The following SMAD2 variants were observed in gnomAD, a reference collection of about 807,000 sequenced individuals.
The protein encoded by SMAD2 is MAD homolog 2.
Under a neutral mutation model 64.4 loss-of-function variants are expected in SMAD2, and 8 were observed. That is an observed-to-expected ratio of 0.12 (90% CI 0.07 to 0.22). SMAD2 has a LOEUF of 0.22. Among genes scored for constraint, SMAD2 ranks in the 10% least tolerant of loss-of-function variants. The pLI, the probability that SMAD2 is intolerant of heterozygous loss-of-function variation, is 1.00. For missense variants in SMAD2, 289 were observed against 561.2 expected, an observed-to-expected ratio of 0.51 and a Z score of 4.90; for synonymous variants, 203 against 195.8, an observed-to-expected ratio of 1.04 and a Z score of -0.31.
intron 2 of SMAD2, among the ~76,000 whole-genome samples, chr18:47,888,534 G>A (rs1013283932): frequency 1.2e-4 from 18 of 152,156 alleles, no homozygotes; most frequent in African/African-American, 4.3e-4. Context: ...TCAGGGGTTA[G>A]GTGACAGTCT....
At chr18:47,884,053 A>G (rs1469334822) in intron 2 of SMAD2, among the ~76,000 whole-genome samples, 1 of 152,118 alleles carries the variant, frequency 6.6e-6, no homozygotes, top group Non-Finnish European at 1.5e-5. Flanking sequence ...CCTAATCACC[A>G]TAAAACCCCA....
intron 2 of SMAD2, among the ~76,000 whole-genome samples, chr18:47,877,006 G>A (rs1205071099): frequency 2.6e-5 from 4 of 152,000 alleles, no homozygotes; most frequent in South Asian, 4.1e-4. Context: ...AAGGTGGCTC[G>A]CATCACAGAA....
chr18:47,917,562 G>A (rs2034385886), intron 1 of SMAD2, among the ~76,000 whole-genome samples: 1 of 151,756 alleles, frequency 6.6e-6, no homozygotes, highest in African/African-American at 2.4e-5. Context: ...CCTTATACTG[G>A]AGTGATCAAT....
chr18:47,858,264 A>G (rs1407122369), intron 6 of SMAD2, among the ~76,000 whole-genome samples: 2 of 152,198 alleles, frequency 1.3e-5, no homozygotes, highest in Non-Finnish European at 1.5e-5. Flanking sequence ...GAAATTATAT[A>G]GCTAAAAAAT....
At chr18:47,890,651 T>C (rs555543906) in intron 2 of SMAD2, among the ~76,000 whole-genome samples, 1 of 152,322 alleles carries the variant, frequency 6.6e-6, no homozygotes, top group East Asian at 1.9e-4. Context: ...TCATATTCCC[T>C]AGGATCTACA....
At chr18:47,850,441 A>G (rs1915198482) in intron 7 of SMAD2, among the ~76,000 whole-genome samples, 1 of 22,650 alleles carries the variant, frequency 4.4e-5, no homozygotes, top group African/African-American at 1.8e-4. Context: ...TATATTATGT[A>G]TAATATATAT....
rs1183122777 is a variant in SMAD2, at chr18:47,820,738, T to TG, written c.*21088dup. ...TGAAGGATACATTTATGAAAGGAGT[T>TG]GTGTGTAATGAAGTTGGCAATAGGT... On this transcript the variant is annotated 3_prime_UTR_variant, in exon 11 of 11. Transcript: ENST00000262160. 1.3e-5 allele frequency: 2 copies of TG among 152,174 alleles called. No individual in the cohort carries two copies. The highest frequency in any genetic ancestry group is 4.8e-5 in the African/African-American group (2 of 41,440). The allele number at this position is 152,174 out of a possible 1,614,324, so 9.4% of individuals were successfully genotyped here.
At chr18:47,867,025 C>G (rs1375044009) in intron 5 of SMAD2, 1 of 152,144 alleles carries the variant, frequency 6.6e-6, no homozygotes, top group African/African-American at 2.4e-5. Context: ...ACAGTAATTC[C>G]CACACTAACG....
rs1461420183 is a variant in SMAD2 at position 47,832,258 on chromosome 18, G to T, written c.*9569C>A. 6.6e-6 allele frequency: 1 copy of T among 152,216 alleles called. No individual in the cohort carries two copies. The allele number at this position is 152,216 out of a possible 1,614,324, so 9.4% of individuals were successfully genotyped here. A position where few individuals can be genotyped will look rare whatever the true frequency, so the allele number is the denominator to read the frequency against. ...ATACAGAACAGTGTCACTACTTCAA[G>T]CTAAGCAGTGACAGGCAAAGCCAGG... On this transcript the variant is annotated 3_prime_UTR_variant, in exon 11 of 11. Coordinates refer to ENST00000262160, the MANE Select transcript of SMAD2 (RefSeq NM_005901.6).
At chr18:47,857,921 A>G (rs746746868) in intron 6 of SMAD2, among the ~76,000 whole-genome samples, 9 of 152,224 alleles carry the variant, frequency 5.9e-5, no homozygotes, top group Non-Finnish European at 1.0e-4. Flanking sequence ...GAAAGTTCTG[A>G]TAAGGTAGGG....
rs1255673219 is a variant in SMAD2 at position 47,837,938 on chromosome 18, C to T, written c.*3889G>A. On this transcript the variant is annotated 3_prime_UTR_variant, in exon 11 of 11. Transcript: ENST00000262160. ...TGTTACTTTATATCCCAACATAAAC[C>T]TACGCCACCCTCAGACGAAGAGGGT... The T allele has an allele frequency of 4.3e-6, 1 of 232,654 alleles. No homozygotes were observed. The highest frequency in any genetic ancestry group is 8.5e-6 in the Non-Finnish European group (1 of 117,452). 14.4% of individuals were successfully genotyped at this position (232,654 alleles called of 1,614,324 possible).
chr18:47,879,187 T>C (rs1413417326), intron 2 of SMAD2, among the ~76,000 whole-genome samples: 8 of 152,108 alleles, frequency 5.3e-5, no homozygotes, highest in Non-Finnish European at 8.8e-5. Context: ...ATAACTAGAG[T>C]TCGCTGTTCT....
intron 2 of SMAD2, among the ~76,000 whole-genome samples, chr18:47,891,224 G>C (rs1356697579): frequency 2.0e-5 from 3 of 152,212 alleles, no homozygotes; most frequent in African/African-American, 7.2e-5. Context: ...TGAATCGCTT[G>C]AACCTGGGAG....
At chr18:47,905,389 T>C (rs1382746405) in intron 1 of SMAD2, among the ~76,000 whole-genome samples, 4 of 152,096 alleles carry the variant, frequency 2.6e-5, no homozygotes, top group Non-Finnish European at 5.9e-5. Flanking sequence ...GATATATGGA[T>C]TCAATGTAAT....
intron 5 of SMAD2, among the ~76,000 whole-genome samples, chr18:47,867,688 A>C (rs2031662946): frequency 6.6e-6 from 1 of 151,766 alleles, no homozygotes; most frequent in Non-Finnish European, 1.5e-5. Flanking sequence ...ATAAAAAACG[A>C]AAAGGCCAGA....
At chr18:47,888,413 A>G (rs564839632) in intron 2 of SMAD2, among the ~76,000 whole-genome samples, 1 of 152,208 alleles carries the variant, frequency 6.6e-6, no homozygotes, top group Non-Finnish European at 1.5e-5. Context: ...TGACAGTCAC[A>G]TGAGTATTCC....
chr18:47,842,058 G>T, intron 10 of SMAD2, 108 bp from the exon 11 acceptor site: 1 of 1,271,844 alleles, frequency 7.9e-7, no homozygotes, highest in Non-Finnish European at 1.1e-6. Context: ...TTAAAAGGTT[G>T]TGTATATAAT....
intron 2 of SMAD2, among the ~76,000 whole-genome samples, chr18:47,875,785 C>A (rs1300096364): frequency 6.6e-6 from 1 of 152,006 alleles, no homozygotes; most frequent in Non-Finnish European, 1.5e-5. Context: ...CATAAGCTAG[C>A]TACTTTATAT....
Position 47,899,921 on chromosome 18 carries a change from T to A in SMAD2, c.-53-3112A>T, listed in dbSNP as rs1161379995. On this transcript the variant is annotated intron_variant, in intron 1 of 10. Transcript: ENST00000262160. ...ATCCTTTAAGAACCCATAAACAGTG[T>A]AATGCTTCAGAGAACAGATTCTGAA... 2.0e-5 allele frequency among the ~76,000 whole-genome samples: 3 copies of A among 152,302 alleles called. No homozygotes were observed. In the East Asian group the frequency reaches 5.8e-4, roughly 29 times the overall value.
Sources: allele counts gnomAD v4.1 joint callset (sites outside exome capture counted in the v4.1 genomes callset), GRCh38; gene constraint gnomAD v4.1.1; transcripts MANE v1.5; gene names NCBI Gene and HGNC (gene_info 2026-07-23, HGNC 2026-07-21).